The following CTNNA2 variants were observed in gnomAD, a reference collection of about 807,000 sequenced individuals.
CTNNA2 encodes the protein catenin alpha 2.
Under a neutral mutation model 101.0 loss-of-function variants are expected in CTNNA2, and 42 were observed. The ratio of observed to expected loss-of-function variants is 0.42; its 90% CI spans 0.32 to 0.54. The LOEUF (loss-of-function observed/expected upper bound fraction) is 0.54, where lower values mean the gene tolerates loss of function less well. Among genes scored for constraint, CTNNA2 ranks in the 20% least tolerant of loss-of-function variants. The pLI, the probability that CTNNA2 is intolerant of heterozygous loss-of-function variation, is 0.14. For synonymous variants in CTNNA2, 450 were observed against 456.4 expected (o/e 0.99, Z 0.18); for missense variants, 871 against 1,223.1 (o/e 0.71, Z 4.29).
At chr2:80,213,152 T>C (rs548398803) in intron 7 of CTNNA2, among the ~76,000 whole-genome samples, 1 of 152,284 alleles carries the variant, frequency 6.6e-6, no homozygotes, top group South Asian at 2.1e-4. Context: ...TGTTGATCTT[T>C]TCAAAAAACC....
chr2:80,389,957 C>A (rs1677354118), intron 7 of CTNNA2, among the ~76,000 whole-genome samples: 1 of 152,306 alleles, frequency 6.6e-6, no homozygotes, highest in East Asian at 1.9e-4. Flanking sequence ...ACCAGAGATT[C>A]TCTGGGCTTG....
At chr2:80,501,117 G>A (rs1006089131) in intron 9 of CTNNA2, among the ~76,000 whole-genome samples, 14 of 152,104 alleles carry the variant, frequency 9.2e-5, no homozygotes, top group Non-Finnish European at 2.1e-4. Flanking sequence ...AACTGAATAG[G>A]TCCAAAGATT....
At chr2:79,595,351 T>C (rs780462867) in intron 1 of CTNNA2, among the ~76,000 whole-genome samples, 1 of 152,220 alleles carries the variant, frequency 6.6e-6, no homozygotes, top group Non-Finnish European at 1.5e-5. Flanking sequence ...TATGTGCCAG[T>C]GACTCACAAA....
chr2:80,067,950 C>T (rs13392252), intron 7 of CTNNA2, among the ~76,000 whole-genome samples: 3,163 of 152,262 alleles, frequency 0.021, 100 homozygotes, highest in African/African-American at 0.071. Flanking sequence ...ACATCTTGAC[C>T]GCAACCTGAT....
intron 7 of CTNNA2, among the ~76,000 whole-genome samples, chr2:80,131,080 CAG>C (rs1227781756): frequency 2.0e-5 from 3 of 151,782 alleles, no homozygotes; most frequent in Admixed American, 6.6e-5. Context: ...TGTTTTGAGA[CAG>C]AGTCTGTCTC....
rs576037223 is a variant in CTNNA2, at chr2:79,954,140, A to G, written c.1056+44343A>G. On this transcript the variant is annotated intron_variant, in intron 7 of 18. Coordinates refer to ENST00000402739, the MANE Select transcript of CTNNA2 (RefSeq NM_001282597.3). Reference sequence around the variant, plus strand: ...CAGCAGGAGAGAAGTGAGTGAGGACACAGGAAAAACTACCATTTATAAAAC... The same window carrying G: ...CAGCAGGAGAGAAGTGAGTGAGGACGCAGGAAAAACTACCATTTATAAAAC... Among the ~76,000 whole-genome samples, 12 of 152,278 alleles carry G rather than the reference A, an allele frequency of 7.9e-5. 1 individual carries two copies. In the South Asian group the frequency reaches 1.9e-3, roughly 24 times the overall value.
At chr2:80,502,062 GGATTGAATCCTAA>G (rs1444873826) in intron 9 of CTNNA2, among the ~76,000 whole-genome samples, 1 of 152,122 alleles carries the variant, frequency 6.6e-6, no homozygotes, top group African/African-American at 2.4e-5. Flanking sequence ...GAGAGGCCTA[GGATTGAATCCTAA>G]CCCTGCTATA....
intron 7 of CTNNA2, among the ~76,000 whole-genome samples, chr2:80,137,725 A>G (rs986374305): frequency 6.9e-6 from 1 of 145,092 alleles, no homozygotes; most frequent in African/African-American, 2.6e-5. Flanking sequence ...GAACAGCTGG[A>G]TCTCCTGCCT....
intron 4 of CTNNA2, among the ~76,000 whole-genome samples, chr2:79,866,249 G>A (rs1682089732): frequency 6.6e-6 from 1 of 152,202 alleles, no homozygotes; most frequent in African/African-American, 2.4e-5. Flanking sequence ...ACTAAATTGG[G>A]AATAAATTTT....
intron 2 of CTNNA2, among the ~76,000 whole-genome samples, chr2:79,680,550 A>G (rs1348579365): frequency 1.3e-5 from 2 of 152,218 alleles, no homozygotes; most frequent in Non-Finnish European, 2.9e-5. Flanking sequence ...GATAGACCCT[A>G]AGCTGCTGGG....
intron 7 of CTNNA2, among the ~76,000 whole-genome samples, chr2:80,171,779 T>A (rs1466050310): frequency 1.3e-5 from 2 of 152,072 alleles, no homozygotes; most frequent in East Asian, 3.9e-4. Context: ...TGGCCACACC[T>A]AGTGGCAGGG....
intron 18 of CTNNA2, among the ~76,000 whole-genome samples, chr2:80,626,853 A>G (rs1671738217): frequency 6.6e-6 from 1 of 151,874 alleles, no homozygotes; most frequent in Non-Finnish European, 1.5e-5. Flanking sequence ...TCCTAATGCT[A>G]TCCCTCCCCG....
chr2:79,270,835 A>G lies in CTNNA2; in HGVS notation c.-405-41874A>G, dbSNP rs572749294. Among the ~76,000 whole-genome samples the G allele has an allele frequency of 4.6e-5, 7 of 152,002 alleles. No individual in the cohort carries two copies. In the South Asian group the frequency reaches 1.4e-3, roughly 31 times the overall value. ...ATGTGTTCCATTAAGGGGGTTTTCC[A>G]TCTCACCCTACCTTTCCCTCTTTGT... On this transcript the variant is annotated intron_variant, in intron 2 of 21. Coordinates refer to the CTNNA2 transcript ENST00000466387.
intron 9 of CTNNA2, among the ~76,000 whole-genome samples, chr2:80,525,087 G>A (rs1242689125): frequency 1.3e-5 from 2 of 151,926 alleles, no homozygotes; most frequent in African/African-American, 4.8e-5. Flanking sequence ...CTTATGTGGT[G>A]ATTAATTAAA....
At chr2:80,166,404 T>G (rs1704699158) in intron 7 of CTNNA2, among the ~76,000 whole-genome samples, 1 of 152,254 alleles carries the variant, frequency 6.6e-6, no homozygotes, top group South Asian at 2.1e-4. Context: ...GCAGTGAAGC[T>G]TCCATTAAAA....
chr2:79,922,056 T>C (rs973514767), intron 7 of CTNNA2, among the ~76,000 whole-genome samples: 1 of 152,206 alleles, frequency 6.6e-6, no homozygotes, highest in East Asian at 1.9e-4. Flanking sequence ...TATGCCAGTA[T>C]TGAGAATTAT....
chr2:80,171,752 T>A (rs1161562531), intron 7 of CTNNA2, among the ~76,000 whole-genome samples: 1 of 152,094 alleles, frequency 6.6e-6, no homozygotes, highest in Non-Finnish European at 1.5e-5. Flanking sequence ...TATTCCATTG[T>A]CCCAAACTCA....
intron 2 of CTNNA2, among the ~76,000 whole-genome samples, chr2:79,736,531 C>G (rs924531514): frequency 1.3e-5 from 2 of 152,188 alleles, no homozygotes; most frequent in African/African-American, 4.8e-5. Context: ...GTTAGTTACA[C>G]TAGTTTTCCT....
rs565035378 is a variant in CTNNA2 at position 79,728,893 on chromosome 2, C to T, written c.103-15494C>T. 7.3e-3 allele frequency among the ~76,000 whole-genome samples: 1,103 copies of T among 152,010 alleles called. 9 individuals carry two copies. The highest frequency in any genetic ancestry group is 0.025 in the African/African-American group (1,051 of 41,476). On this transcript the variant is annotated intron_variant, in intron 2 of 18. Coordinates refer to ENST00000402739, the MANE Select transcript of CTNNA2 (RefSeq NM_001282597.3). ...CAAAGATCAGATAGTTGTAGATATGCGGCGTTATTTTCTGAGGGCTCTGTT... is the reference window on the plus strand; with the variant it reads ...CAAAGATCAGATAGTTGTAGATATGTGGCGTTATTTTCTGAGGGCTCTGTT...
Sources: allele counts gnomAD v4.1 joint callset (sites outside exome capture counted in the v4.1 genomes callset), GRCh38; gene constraint gnomAD v4.1.1; transcripts MANE v1.5; gene names NCBI Gene and HGNC (gene_info 2026-07-23, HGNC 2026-07-21).